The following QTGAL variants were observed in gnomAD, a reference collection of about 807,000 sequenced individuals.
QTGAL encodes queuosine-tRNA galactosyltransferase, also known as BGnT-like protein 1.
chr17:82,962,129 C>T, the QTGAL span, among the ~76,000 whole-genome samples: 1 of 152,150 alleles, frequency 6.6e-6, no homozygotes, highest in South Asian at 2.1e-4. Flanking sequence ...CAAGTCCAGC[C>T]TCTTCTCTCC....
At chr17:83,044,488 A>T in the QTGAL span, among the ~76,000 whole-genome samples, 1 of 152,254 alleles carries the variant, frequency 6.6e-6, no homozygotes, top group Non-Finnish European at 1.5e-5. Context: ...AAACCTCCTT[A>T]GCGTAAGAAA....
At chr17:82,975,733 C>T in the QTGAL span, among the ~76,000 whole-genome samples, 1 of 79,350 alleles carries the variant, frequency 1.3e-5, no homozygotes, top group African/African-American at 8.5e-5. Context: ...GGGACAGAGC[C>T]GGACTCCATC....
the QTGAL span, among the ~76,000 whole-genome samples, chr17:83,050,446 T>C: frequency 1.3e-5 from 2 of 152,160 alleles, no homozygotes; most frequent in Non-Finnish European, 2.9e-5. Context: ...TGGATTTACT[T>C]AGAGGAAAAG....
chr17:83,051,625 C>A, the QTGAL span: 1 of 1,110,836 alleles, frequency 9.0e-7, no homozygotes, highest in South Asian at 1.9e-5. Context: ...TAGGTGAGCC[C>A]GAGAGGCGGT....
At chr17:82,970,596 C>A in the QTGAL span, among the ~76,000 whole-genome samples, 60 of 112,220 alleles carry the variant, frequency 5.3e-4, no homozygotes, top group African/African-American at 1.5e-3. Context: ...ACCTCCGCAC[C>A]CGGCGTGGCC....
At chr17:83,007,943 C>G in the QTGAL span, among the ~76,000 whole-genome samples, 1 of 152,266 alleles carries the variant, frequency 6.6e-6, no homozygotes, top group Non-Finnish European at 1.5e-5. Flanking sequence ...GCAACTGCAT[C>G]TAAACAGCAG....
the QTGAL span, among the ~76,000 whole-genome samples, chr17:83,035,420 C>T: frequency 2.0e-5 from 3 of 152,084 alleles, no homozygotes; most frequent in African/African-American, 7.2e-5. Flanking sequence ...CTGCCCACCT[C>T]GGCCTCCCAA....
chr17:82,945,027 A>C, the QTGAL span: 1 of 152,256 alleles, frequency 6.6e-6, no homozygotes, highest in Non-Finnish European at 1.5e-5. Flanking sequence ...GACCAGTGGT[A>C]TTCCCAGACA....
chr17:82,959,130 ATGT>A, the QTGAL span, among the ~76,000 whole-genome samples: 4 of 150,320 alleles, frequency 2.7e-5, no homozygotes, highest in African/African-American at 7.4e-5. Context: ...GTGGGGGTGT[ATGT>A]TGTGTGTGCA....
the QTGAL span, chr17:83,049,022 G>C: frequency 2.0e-6 from 1 of 491,206 alleles, no homozygotes; most frequent in Admixed American, 3.6e-5. Context: ...GGGAGGCCGA[G>C]GTGGGTGGAT....
chr17:82,961,035 G>C, the QTGAL span: 1 of 1,598,834 alleles, frequency 6.3e-7, no homozygotes, highest in African/African-American at 1.3e-5. Context: ...AGGCGTCCCG[G>C]GGCCGGGCGG....
chr17:83,023,699 C>T, the QTGAL span, among the ~76,000 whole-genome samples: 2 of 152,200 alleles, frequency 1.3e-5, no homozygotes, highest in Admixed American at 6.5e-5. Flanking sequence ...CACGTGGCCT[C>T]GTGTCCCCTT....
chr17:82,943,160 C>G, the QTGAL span: 109,725 of 152,254 alleles, frequency 0.72, 39,938 homozygotes, highest in South Asian at 0.84. Context: ...ACAGTAATGT[C>G]GGAAATAAAT....
the QTGAL span, among the ~76,000 whole-genome samples, chr17:83,010,057 G>C: frequency 1.0e-3 from 130 of 126,092 alleles, 2 homozygotes; most frequent in East Asian, 0.031. Flanking sequence ...GGGCTGGGGG[G>C]GCTGTGGGGG....
the QTGAL span, among the ~76,000 whole-genome samples, chr17:83,039,808 C>T: frequency 0.2 from 30,212 of 152,136 alleles, 3,593 homozygotes; most frequent in East Asian, 0.43. Flanking sequence ...TTTACTCCTG[C>T]GTCTTCTGAG....
the QTGAL span, among the ~76,000 whole-genome samples, chr17:82,955,676 C>G: frequency 6.6e-6 from 1 of 152,136 alleles, no homozygotes; most frequent in Non-Finnish European, 1.5e-5. Flanking sequence ...ACAAATCATT[C>G]TATTATAAAG....
the QTGAL span, among the ~76,000 whole-genome samples, chr17:83,037,924 T>C: frequency 6.6e-6 from 1 of 152,156 alleles, no homozygotes; most frequent in Non-Finnish European, 1.5e-5. The surrounding 1 kb of genome is among the most constrained non-coding windows in gnomAD (Gnocchi z 5.2). Context: ...CCAGTCCCTT[T>C]GTGAGGGGAT....
At chr17:82,963,010 T>A in the QTGAL span, among the ~76,000 whole-genome samples, 9 of 152,102 alleles carry the variant, frequency 5.9e-5, no homozygotes, top group African/African-American at 2.2e-4. Context: ...TGGACTGCCC[T>A]GTGGTGTGGA....
chr17:83,007,215 G>A, the QTGAL span: 20 of 984,998 alleles, frequency 2.0e-5, no homozygotes, highest in Non-Finnish European at 2.4e-5. Flanking sequence ...AACCTTTCAT[G>A]TCTCTCTCCT....
Sources: gnomAD v4.1 joint callset for allele counts (sites outside exome capture counted in the v4.1 genomes callset) on GRCh38, gnomAD v4.1.1 for gene constraint, Gnocchi (gnomAD v3.1) non-coding constraint, MANE v1.5 for transcripts, NCBI Gene and HGNC (gene_info 2026-07-23, HGNC 2026-07-21) for gene names.